TARS2: variants seen among roughly 807,000 people sequenced by gnomAD.
TARS2 encodes the protein threonyl-tRNA synthetase 2, mitochondrial.
In TARS2, 61 loss-of-function variants were observed where a neutral mutation model predicts 94.4. The ratio of observed to expected loss-of-function variants is 0.65; its 90% CI spans 0.53 to 0.80. TARS2 has a LOEUF of 0.80. Ranked by LOEUF, TARS2 falls within the 30% of genes least tolerant of loss-of-function variation. TARS2 has a pLI of 0.00. For missense variants in TARS2, 704 were observed against 902.5 expected (o/e 0.78, Z 2.82); for synonymous variants, 359 against 353.4 (o/e 1.02, Z -0.18).
At position 150,488,995 on chromosome 1, in the gene TARS2, C is replaced by G. The variant is rs1669265546; in HGVS notation, c.295C>G (p.Gln99Glu). Residue 99 changes from glutamine to glutamate, a missense_variant, in exon 3 of 18, where the codon CAA (glutamine) becomes GAA (glutamate). This residue lies in a region of TARS2 where 208 missense variants were observed against 228.5 expected (regional missense o/e 0.91). Coordinates refer to ENST00000369064, the MANE Select transcript of TARS2 (RefSeq NM_025150.5). ...ACTGGCAGATACTGCAGTGGCTGCT[C>G]AAGTGAATGGAGAACCTTATGATCT... ...STLADTAVAAQVNGEPYDLER... is the reference protein window; with the variant it reads ...STLADTAVAAEVNGEPYDLER... 6.2e-7 allele frequency: 1 copy of G among 1,614,154 alleles called. No individual in the cohort carries two copies. The highest frequency in any genetic ancestry group is 8.5e-7 in the Non-Finnish European group (1 of 1,180,006).
At chr1:150,503,631 A>ACGTG (rs1560257526) in intron 13 of TARS2, among the ~76,000 whole-genome samples, 3 of 79,506 alleles carry the variant, frequency 3.8e-5, no homozygotes, top group African/African-American at 9.9e-5. Context: ...GTGTGTATAT[A>ACGTG]TGTGTGTGTA....
rs1016187044 is a variant in TARS2 at position 150,506,922 on chromosome 1, G to T, written c.2015G>T (p.Gly672Val). 1 of 1,614,010 alleles carries T rather than the reference G, an allele frequency of 6.2e-7. No homozygotes were observed. The highest frequency in any genetic ancestry group is 1.7e-5 in the Admixed American group (1 of 60,004). ...LAHYNFQFVVGQKEQSKRTVN... is the reference protein window; with the variant it reads ...LAHYNFQFVVVQKEQSKRTVN... ...AAACTTCCTCTACCTGCAGTGGTTG[G>T]CCAGAAAGAGCAAAGTAAGAGAACA... The change falls in exon 18 of 18, where the codon GGC becomes GTC. Residue 672 changes from glycine (G) to valine (V), a missense_variant. Physicochemically the swap from Gly to Val is moderately radical, Grantham distance 109. This residue lies in a region of TARS2 where 466 missense variants were observed against 609.5 expected (regional missense o/e 0.76). Transcript: ENST00000369064.
At position 150,496,561 on chromosome 1, in the gene TARS2, A is replaced by T. The variant is rs1400491307; in HGVS notation, c.854A>T (p.Glu285Val). The change falls in exon 8 of 18, where the codon GAA becomes GTA. Residue 285 changes from glutamate (E) to valine (V), a missense_variant. Physicochemically the swap from Glu to Val is moderately radical, Grantham distance 121 (BLOSUM62 -2). This residue lies in a region of TARS2 where 466 missense variants were observed against 609.5 expected (regional missense o/e 0.76). Transcript: ENST00000369064. ...TCAGGGATTTCCTTCCCCACAACAG[A>T]ATTGCTGAGGGTCTGGGAAGCATGG... ...RVSGISFPTT[E>V]LLRVWEAWRE... is the part of the protein sequence containing the mutation. 6.2e-7 allele frequency: 1 copy of T among 1,614,082 alleles called. No individual in the cohort carries two copies. Among genetic ancestry groups the T allele is most frequent in the Admixed American group, 1.7e-5 (1 of 60,000 alleles).
At chr1:150,492,747 T>C (rs1477377607) in intron 7 of TARS2, among the ~76,000 whole-genome samples, 1 of 143,228 alleles carries the variant, frequency 7.0e-6, no homozygotes, top group Non-Finnish European at 1.5e-5. Flanking sequence ...GAGGCGGAGG[T>C]TGTAGTGAGC....
At chr1:150,491,888 G>T in intron 6 of TARS2, 1 of 486,358 alleles carries the variant, frequency 2.1e-6, no homozygotes, top group Non-Finnish European at 3.7e-6. Flanking sequence ...TCCGCCTCCT[G>T]GGTTCAAGTG....
chr1:150,491,663 G>A lies in TARS2; in HGVS notation c.695+1G>A. 1 of 1,614,124 alleles carries A rather than the reference G, an allele frequency of 6.2e-7. No individual in the cohort carries two copies. Among genetic ancestry groups the A allele is most frequent in the Non-Finnish European group, 8.5e-7 (1 of 1,180,016 alleles). On this transcript the variant is annotated splice_donor_variant, in intron 6 of 17. Coordinates refer to ENST00000369064, the MANE Select transcript of TARS2 (RefSeq NM_025150.5). LOFTEE classifies it high-confidence loss of function. ...CAGGTCCAACAGCAACAGTATATGG[G>A]TAAGAGTTGTCAAGATTAAGGCAAA...
chr1:150,489,721 A>T (rs992570394), intron 3 of TARS2, among the ~76,000 whole-genome samples: 1 of 152,196 alleles, frequency 6.6e-6, no homozygotes, highest in African/African-American at 2.4e-5. Flanking sequence ...CAGGTGGATC[A>T]TCTGAGGTCA....
intron 6 of TARS2, chr1:150,491,961 GTTTTTTT>G: frequency 7.9e-6 from 1 of 126,958 alleles, no homozygotes; most frequent in Non-Finnish European, 1.4e-5. Context: ...TGCCTGGCTA[GTTTTTTT>G]TTTTTTTTTT....
chr1:150,495,237 TG>T (rs1053006321), intron 7 of TARS2, among the ~76,000 whole-genome samples: 1 of 147,128 alleles, frequency 6.8e-6, no homozygotes, highest in African/African-American at 2.5e-5. Context: ...CCCAGCTACT[TG>T]GGAGGCTGAG....
chr1:150,498,617 C>A lies in TARS2; in HGVS notation c.1354C>A (p.Arg452=). 2 of 1,612,564 alleles carry A rather than the reference C, an allele frequency of 1.2e-6. No homozygotes were observed. The highest frequency in any genetic ancestry group is 1.7e-6 in the Non-Finnish European group (2 of 1,179,604). Residue 452 remains arginine (R), a synonymous_variant, in exon 11 of 18, where the codon CGG becomes AGG. Transcript: ENST00000369064. ...SGGLGGLTRL[R]CFQQDDAHIF... Reference sequence around the variant, plus strand: ...TGGTCTGGGGGGACTGACCCGACTGCGGTGCTTCCAGCAGGATGACGCTCA... The same window carrying A: ...TGGTCTGGGGGGACTGACCCGACTGAGGTGCTTCCAGCAGGATGACGCTCA...
intron 16 of TARS2, 79 bp from the exon 17 acceptor site, chr1:150,505,512 G>C (rs1670162210): frequency 7.9e-7 from 1 of 1,271,830 alleles, no homozygotes; most frequent in Non-Finnish European, 1.1e-6. Context: ...TGGGGGCATT[G>C]AGGGAAAAGA....
chr1:150,502,309 C>T (rs1366757276), intron 13 of TARS2, among the ~76,000 whole-genome samples: 2 of 151,844 alleles, frequency 1.3e-5, no homozygotes, highest in Non-Finnish European at 2.9e-5. Context: ...GCAACCTCCA[C>T]CTCCCAGGTT....
At chr1:150,497,350 G>T (rs1422261870) in intron 9 of TARS2, among the ~76,000 whole-genome samples, 180 bp from the exon 10 acceptor site, 1 of 152,158 alleles carries the variant, frequency 6.6e-6, no homozygotes, top group African/African-American at 2.4e-5. Flanking sequence ...AAGTGCTGGT[G>T]ACCTTTAATA....
intron 7 of TARS2, among the ~76,000 whole-genome samples, chr1:150,495,165 G>A (rs1337475682): frequency 1.0e-4 from 15 of 148,420 alleles, no homozygotes; most frequent in East Asian, 2.1e-4. Flanking sequence ...GGGCGACAGC[G>A]AGACTCCGTC....
At chr1:150,501,332 T>TTA (rs1491119326) in intron 13 of TARS2, among the ~76,000 whole-genome samples, 1 of 52,948 alleles carries the variant, frequency 1.9e-5, no homozygotes. Flanking sequence ...TTTTTTTTTT[T>TTA]ATTGAGACTA....
rs1669807251 is a variant in TARS2, at chr1:150,499,298, G to A, written c.1617+5G>A. ...GGTGCCTTCTATGGACCTAAGGTAA[G>A]CTTGGGACCCTGGTTAGTGTTGTAT... On this transcript the variant is annotated splice_donor_5th_base_variant and intron_variant, in intron 13 of 17. Transcript: ENST00000369064. 1 of 1,613,752 alleles carries A rather than the reference G, an allele frequency of 6.2e-7. No individual in the cohort carries two copies. The highest frequency in any genetic ancestry group is 1.3e-5 in the African/African-American group (1 of 74,900).
In TARS2 at chr1:150,504,422, C is replaced by T; in HGVS notation, c.1705C>T (p.Leu569Phe). The change falls in exon 14 of 18, where the codon CTC becomes TTC. Residue 569 changes from leucine to phenylalanine, a missense_variant. By Grantham distance (22) the Leu-to-Phe change is conservative. This residue lies in a region of TARS2 where 466 missense variants were observed against 609.5 expected (regional missense o/e 0.76). Transcript: ENST00000369064. Reference protein sequence around the residue: ...LDFQLPLRFDLQYKGQAGALE... With the variant: ...LDFQLPLRFDFQYKGQAGALE... ...CTTCCAACTGCCCCTGAGATTTGAC[C>T]TCCAGTATAAGGGGTATAAAACCTT... is the stretch of plus-strand genomic sequence containing the variant. 2 of 1,614,058 alleles carry T rather than the reference C, an allele frequency of 1.2e-6. No individual in the cohort carries two copies. The highest frequency in any genetic ancestry group is 8.5e-7 in the Non-Finnish European group (1 of 1,179,992).
chr1:150,490,912 C>T lies in TARS2; in HGVS notation c.512+187C>T, dbSNP rs587702449. 5.3e-5 allele frequency among the ~76,000 whole-genome samples: 8 copies of T among 152,072 alleles called. No homozygotes were observed. The South Asian group carries it at 1.7e-3, about 32-fold the overall frequency. On this transcript the variant is annotated intron_variant, in intron 4 of 17. Transcript: ENST00000369064. ...CTCTTCTAACTTTGCTTGAAATTTA[C>T]CTTCTTGGCTGGTGCACATGTAGTC...
At position 150,490,493 on chromosome 1, in the gene TARS2, A is replaced by G. The variant is rs1300987136; in HGVS notation, c.388-108A>G. 8 of 1,467,160 alleles carry G rather than the reference A, an allele frequency of 5.5e-6. No homozygotes were observed. In the East Asian group the frequency reaches 1.5e-4, roughly 27 times the overall value. The allele number at this position is 1,467,160 out of a possible 1,614,324, so 90.9% of individuals were successfully genotyped here. A position where few individuals can be genotyped will look rare whatever the true frequency, so the allele number is the denominator to read the frequency against. On this transcript the variant is annotated intron_variant, in intron 3 of 17. Coordinates refer to ENST00000369064, the MANE Select transcript of TARS2 (RefSeq NM_025150.5). ...TCCCCATTTTGTGGTAGTTATTCCT[A>G]GAAGAACCATACCGGCTTTCCTACC...
Sources: allele counts gnomAD v4.1 joint callset (sites outside exome capture counted in the v4.1 genomes callset), GRCh38; gene constraint gnomAD v4.1.1; regional missense constraint gnomAD v4.1.1; transcripts MANE v1.5; gene names NCBI Gene and HGNC (gene_info 2026-07-23, HGNC 2026-07-21).